Variants in PARD3B observed in about 807,000 individuals in gnomAD.
PARD3B encodes partitioning defective 3 homolog B.
PARD3B carries 103 observed loss-of-function variants against 130.2 expected under a neutral mutation model. The ratio of observed to expected loss-of-function variants is 0.79; its 90% CI spans 0.67 to 0.93. The LOEUF (loss-of-function observed/expected upper bound fraction) is 0.93, where lower values mean the gene tolerates loss of function less well. Ranked by LOEUF, PARD3B falls within the 40% of genes least tolerant of loss-of-function variation. The pLI, the probability that PARD3B is intolerant of heterozygous loss-of-function variation, is 0.00. For missense variants in PARD3B, 1,609 were observed against 1,499.2 expected (o/e 1.07, Z -1.21); for synonymous variants, 583 against 553.2 (o/e 1.05, Z -0.76).
At chr2:204,798,568 G>A (rs2042456044) in intron 2 of PARD3B, among the ~76,000 whole-genome samples, 1 of 152,156 alleles carries the variant, frequency 6.6e-6, no homozygotes, top group African/African-American at 2.4e-5. Context: ...ACAGCGAAGG[G>A]AGCGCTTGCC....
chr2:205,599,092 G>T (rs2054682151), intron 22 of PARD3B, among the ~76,000 whole-genome samples: 1 of 152,072 alleles, frequency 6.6e-6, no homozygotes, highest in African/African-American at 2.4e-5. Context: ...CCCAAAGCTA[G>T]CAGAAGAAAA....
rs182537120 is a variant in PARD3B, at chr2:205,584,593, G to A, written c.3261-30863G>A. ...CTCGGGAGGCTGAGGCAGGAGAATC[G>A]CTTGAACCCGGGAGGCAGAGGTTGC... On this transcript the variant is annotated intron_variant, in intron 22 of 22. Coordinates refer to ENST00000406610, the MANE Select transcript of PARD3B (RefSeq NM_001302769.2). The surrounding 1 kb of genome is among the most constrained non-coding windows in gnomAD (Gnocchi z 5.5). Among the ~76,000 whole-genome samples the A allele has an allele frequency of 7.8e-4, 119 of 152,156 alleles. 1 individual carries two copies. In the East Asian group the frequency reaches 0.02, roughly 26 times the overall value.
intron 16 of PARD3B, among the ~76,000 whole-genome samples, chr2:205,294,388 A>G (rs1395124871): frequency 6.6e-6 from 1 of 152,210 alleles, no homozygotes; most frequent in Non-Finnish European, 1.5e-5. Context: ...TAATGAATTC[A>G]CTATTTGTTA....
chr2:204,545,825 C>A lies in PARD3B; in HGVS notation c.-175C>A. On this transcript the variant is annotated 5_prime_UTR_variant, in exon 1 of 23. Transcript: ENST00000406610. ...CCCCTCCCCGATTCCCGCCACCTGC[C>A]GCCTGGCCAGGTGGAAGGGGCGCTG... The A allele has an allele frequency of 1.6e-6, 1 of 634,564 alleles. No homozygotes were observed. The highest frequency in any genetic ancestry group is 3.2e-5 in the South Asian group (1 of 31,222). The allele number at this position is 634,564 out of a possible 1,614,324, so 39.3% of individuals were successfully genotyped here.
intron 22 of PARD3B, among the ~76,000 whole-genome samples, chr2:205,599,923 A>G (rs1224840762): frequency 1.3e-5 from 2 of 152,164 alleles, no homozygotes; most frequent in Non-Finnish European, 2.9e-5. Flanking sequence ...TCCTATGGTT[A>G]CAGTATTACC....
chr2:205,523,564 T>A (rs1333764027), intron 21 of PARD3B, among the ~76,000 whole-genome samples: 1 of 151,922 alleles, frequency 6.6e-6, no homozygotes, highest in African/African-American at 2.4e-5. Context: ...AAATAAATAA[T>A]CTTTTGAGTA....
At chr2:205,282,635 A>C (rs1195452995) in intron 16 of PARD3B, among the ~76,000 whole-genome samples, 2 of 151,990 alleles carry the variant, frequency 1.3e-5, no homozygotes, top group Non-Finnish European at 2.9e-5. Context: ...AGTATAAATC[A>C]GGGCTGTAAC....
intron 15 of PARD3B, among the ~76,000 whole-genome samples, chr2:205,209,579 C>A: frequency 6.9e-6 from 1 of 144,738 alleles, no homozygotes; most frequent in South Asian, 2.2e-4. Flanking sequence ...ATTAAATATA[C>A]AATTAATAAT....
At chr2:204,755,945 G>C (rs2040650796) in intron 2 of PARD3B, among the ~76,000 whole-genome samples, 1 of 152,092 alleles carries the variant, frequency 6.6e-6, no homozygotes, top group Admixed American at 6.6e-5. Flanking sequence ...AACAGTTTTT[G>C]GTTGGGGCAA....
At chr2:204,996,355 G>C (rs1213774642) in intron 3 of PARD3B, among the ~76,000 whole-genome samples, 1 of 152,080 alleles carries the variant, frequency 6.6e-6, no homozygotes, top group Non-Finnish European at 1.5e-5. Context: ...AGGTGTCAGT[G>C]TGCCCCTGCT....
intron 15 of PARD3B, among the ~76,000 whole-genome samples, chr2:205,245,143 GGT>G (rs1263521351): frequency 6.6e-6 from 1 of 152,130 alleles, no homozygotes; most frequent in African/African-American, 2.4e-5. Context: ...GTTCTGCTTG[GGT>G]GTTGGCTTTC....
chr2:205,018,444 C>G (rs1696325527), intron 3 of PARD3B, among the ~76,000 whole-genome samples: 1 of 151,946 alleles, frequency 6.6e-6, no homozygotes, highest in Admixed American at 6.6e-5. Context: ...CTATAGCAAC[C>G]CTTCTGAACC....
intron 20 of PARD3B, among the ~76,000 whole-genome samples, chr2:205,454,246 G>A (rs1286839057): frequency 6.6e-6 from 1 of 152,098 alleles, no homozygotes; most frequent in Non-Finnish European, 1.5e-5. Flanking sequence ...AATCTTTGCT[G>A]ATGCTAAGGA....
chr2:205,246,713 C>T (rs1473006527), intron 16 of PARD3B, among the ~76,000 whole-genome samples: 1 of 152,164 alleles, frequency 6.6e-6, no homozygotes, highest in East Asian at 1.9e-4. Context: ...CAGTAAGTGG[C>T]CTTGATGCCT....
At chr2:205,042,549 G>A (rs781229866) in intron 3 of PARD3B, among the ~76,000 whole-genome samples, 1 of 151,882 alleles carries the variant, frequency 6.6e-6, no homozygotes, top group African/African-American at 2.4e-5. Flanking sequence ...CCCAATCAGG[G>A]ACTCTTCTAT....
chr2:204,698,776 A>G (rs529461090), intron 2 of PARD3B, among the ~76,000 whole-genome samples: 119 of 152,074 alleles, frequency 7.8e-4, no homozygotes, highest in African/African-American at 2.8e-3. Context: ...CATAGAGGCC[A>G]TTTTTCCAAT....
intron 18 of PARD3B, among the ~76,000 whole-genome samples, chr2:205,378,642 T>C (rs2045172549): frequency 6.6e-6 from 1 of 151,052 alleles, no homozygotes; most frequent in Non-Finnish European, 1.5e-5. Flanking sequence ...TTTCTTTTTT[T>C]TTTTTTTTGA....
At chr2:205,481,933 T>C (rs1049407524) in intron 20 of PARD3B, among the ~76,000 whole-genome samples, 44 of 152,262 alleles carry the variant, frequency 2.9e-4, no homozygotes, top group African/African-American at 1.0e-3. Context: ...ACAAGTTGAG[T>C]GTAAGACATT....
At chr2:205,068,996 A>G (rs909592771) in intron 4 of PARD3B, among the ~76,000 whole-genome samples, 1 of 151,868 alleles carries the variant, frequency 6.6e-6, no homozygotes, top group Non-Finnish European at 1.5e-5. Context: ...ACTTTTTGCT[A>G]TATTTACCTG....
Sources: allele counts gnomAD v4.1 joint callset (sites outside exome capture counted in the v4.1 genomes callset), GRCh38; gene constraint gnomAD v4.1.1; non-coding constraint Gnocchi (gnomAD v3.1); transcripts MANE v1.5; gene names NCBI Gene and HGNC (gene_info 2026-07-23, HGNC 2026-07-21).